ERBB4: variants seen among roughly 807,000 people sequenced by gnomAD.
The protein encoded by ERBB4 is erb-b2 receptor tyrosine kinase 4.
A neutral mutation model predicts 158.0 loss-of-function variants in ERBB4; 42 were observed. The ratio of observed to expected loss-of-function variants is 0.27; its 90% CI spans 0.21 to 0.34. The LOEUF (loss-of-function observed/expected upper bound fraction) is 0.34, where lower values mean the gene tolerates loss of function less well. Ranked by LOEUF, ERBB4 falls within the 10% of genes least tolerant of loss-of-function variation. The pLI is 1.00. For missense variants in ERBB4, 1,333 were observed against 1,624.1 expected, an observed-to-expected ratio of 0.82 and a Z score of 3.08; for synonymous variants, 583 against 558.7, an observed-to-expected ratio of 1.04 and a Z score of -0.61.
chr2:211,745,774 A>G (rs1028831642), intron 5 of ERBB4, among the ~76,000 whole-genome samples: 2 of 148,718 alleles, frequency 1.3e-5, no homozygotes, highest in African/African-American at 2.5e-5. Context: ...TCTCCATTTT[A>G]TAGATATGGT....
intron 20 of ERBB4, among the ~76,000 whole-genome samples, chr2:211,523,736 C>G (rs142578998): frequency 0.087 from 13,183 of 151,996 alleles, 746 homozygotes; most frequent in African/African-American, 0.16. Flanking sequence ...AATGAGTGAG[C>G]AGCAGCAAGA....
At chr2:212,177,953 A>AGT (rs2081727425) in intron 1 of ERBB4, among the ~76,000 whole-genome samples, 1 of 100,862 alleles carries the variant, frequency 9.9e-6, no homozygotes, top group African/African-American at 4.1e-5. Flanking sequence ...AGTGTTTGTG[A>AGT]GTGTGAGTGT....
intron 1 of ERBB4, among the ~76,000 whole-genome samples, chr2:212,432,358 C>T (rs1181031760): frequency 6.6e-6 from 1 of 152,022 alleles, no homozygotes; most frequent in South Asian, 2.1e-4. Flanking sequence ...AAATATATTA[C>T]TGGTTGCAAT....
chr2:212,033,437 CA>C (rs2076946842), intron 2 of ERBB4, among the ~76,000 whole-genome samples: 1 of 151,580 alleles, frequency 6.6e-6, no homozygotes, highest in Non-Finnish European at 1.5e-5. Context: ...AATTAAGAAC[CA>C]AATTCCTTAT....
At chr2:211,685,686 A>G (rs2072535912) in intron 12 of ERBB4, among the ~76,000 whole-genome samples, 1 of 152,196 alleles carries the variant, frequency 6.6e-6, no homozygotes, top group South Asian at 2.1e-4. Flanking sequence ...TAAGAATTGT[A>G]CTAAAGCTGT....
chr2:211,945,510 C>T (rs562600545), intron 3 of ERBB4, among the ~76,000 whole-genome samples: 1 of 151,828 alleles, frequency 6.6e-6, no homozygotes, highest in African/African-American at 2.4e-5. Flanking sequence ...AAACAATCAA[C>T]TCATTCTCTT....
At chr2:211,483,297 C>A (rs1683619921) in intron 20 of ERBB4, among the ~76,000 whole-genome samples, 1 of 151,944 alleles carries the variant, frequency 6.6e-6, no homozygotes, top group Admixed American at 6.6e-5. Flanking sequence ...TTCAAGAAAT[C>A]ATGTTCAAAC....
chr2:211,525,606 C>G (rs1051970731), intron 20 of ERBB4, among the ~76,000 whole-genome samples: 1 of 152,076 alleles, frequency 6.6e-6, no homozygotes, highest in East Asian at 1.9e-4. Flanking sequence ...GGCACCAGGT[C>G]GGCCACACAC....
At chr2:211,954,509 A>G (rs572566948) in intron 2 of ERBB4, among the ~76,000 whole-genome samples, 60 of 152,228 alleles carry the variant, frequency 3.9e-4, no homozygotes, top group African/African-American at 1.4e-3. Context: ...ACTCATACAC[A>G]ATTAGATATT....
chr2:212,137,408 A>C (rs746536182), intron 1 of ERBB4, among the ~76,000 whole-genome samples: 1 of 152,074 alleles, frequency 6.6e-6, no homozygotes, highest in East Asian at 1.9e-4. Flanking sequence ...GCTCCCACTT[A>C]TAAGTGAGAA....
At chr2:211,934,886 C>T (rs13396370) in intron 3 of ERBB4, among the ~76,000 whole-genome samples, 1 of 137,784 alleles carries the variant, frequency 7.3e-6, no homozygotes, top group Non-Finnish European at 1.5e-5. Context: ...CATTTCATTT[C>T]CTAAGTAAAA....
At chr2:212,005,726 G>T (rs767101965) in intron 2 of ERBB4, among the ~76,000 whole-genome samples, 3 of 152,114 alleles carry the variant, frequency 2.0e-5, no homozygotes, top group African/African-American at 7.2e-5. Flanking sequence ...AGTAGCTCAA[G>T]CATTAAATTT....
intron 21 of ERBB4, among the ~76,000 whole-genome samples, chr2:211,429,871 G>C (rs777178986): frequency 1.4e-4 from 22 of 152,148 alleles, no homozygotes; most frequent in Admixed American, 3.3e-4. Flanking sequence ...AAGCTATAAT[G>C]AATCTTGCTT....
At chr2:212,511,063 C>T (rs924068171) in intron 1 of ERBB4, among the ~76,000 whole-genome samples, 3 of 152,044 alleles carry the variant, frequency 2.0e-5, no homozygotes, top group East Asian at 1.9e-4. Flanking sequence ...CTCAAAAAAA[C>T]GGATATTTTA....
At chr2:212,152,657 C>A (rs892959955) in intron 1 of ERBB4, among the ~76,000 whole-genome samples, 3 of 152,130 alleles carry the variant, frequency 2.0e-5, no homozygotes, top group Non-Finnish European at 4.4e-5. Flanking sequence ...CAGCCCACAT[C>A]ATTCTTTCTG....
intron 19 of ERBB4, among the ~76,000 whole-genome samples, 200 bp from the exon 20 acceptor site, chr2:211,562,288 T>A (rs1279997023): frequency 6.6e-6 from 1 of 152,212 alleles, no homozygotes; most frequent in East Asian, 1.9e-4. Flanking sequence ...CAACAAAGTC[T>A]CTACATGCAT....
intron 19 of ERBB4, among the ~76,000 whole-genome samples, chr2:211,603,949 T>G (rs549857512): frequency 1.3e-5 from 2 of 152,360 alleles, no homozygotes; most frequent in African/African-American, 4.8e-5. Flanking sequence ...ATTGTTCAAG[T>G]GGGCATATTT....
At chr2:211,396,061 T>G (rs2062909637) in intron 25 of ERBB4, among the ~76,000 whole-genome samples, 1 of 152,020 alleles carries the variant, frequency 6.6e-6, no homozygotes, top group Admixed American at 6.6e-5. Flanking sequence ...ATGCCATAAC[T>G]TTAGAATTTG....
chr2:212,104,724 A>C (rs992906930), intron 2 of ERBB4, among the ~76,000 whole-genome samples: 2 of 152,172 alleles, frequency 1.3e-5, no homozygotes, highest in Non-Finnish European at 2.9e-5. Flanking sequence ...AAAGTCTCAC[A>C]AAAACAACTT....
Sources: allele counts gnomAD v4.1 joint callset (sites outside exome capture counted in the v4.1 genomes callset), GRCh38; gene constraint gnomAD v4.1.1; transcripts MANE v1.5; gene names NCBI Gene and HGNC (gene_info 2026-07-23, HGNC 2026-07-21).